Variants in YES1 observed in about 807,000 individuals in gnomAD.
The protein encoded by YES1 is tyrosine-protein kinase Yes.
In YES1, 39 loss-of-function variants were observed where a neutral mutation model predicts 70.4. The observed-to-expected ratio is 0.55, with a 90% CI of 0.43 to 0.72. The LOEUF is 0.72. Ranked by LOEUF, YES1 falls within the 30% of genes least tolerant of loss-of-function variation. The pLI is 0.00. For synonymous variants in YES1, 198 were observed against 218.6 expected (o/e 0.91, Z 0.83); for missense variants, 495 against 644.8 (o/e 0.77, Z 2.52).
At chr18:743,751 CAA>C (rs959557172) in intron 6 of YES1, among the ~76,000 whole-genome samples, 2 of 151,550 alleles carry the variant, frequency 1.3e-5, no homozygotes, top group African/African-American at 4.8e-5. Flanking sequence ...ACTAAAAATA[CAA>C]AAGTTAGCCG....
At chr18:749,420 C>T (rs941727752) in intron 3 of YES1, among the ~76,000 whole-genome samples, 1 of 152,062 alleles carries the variant, frequency 6.6e-6, no homozygotes, top group African/African-American at 2.4e-5. Context: ...ATCGCTTGAA[C>T]CTGGGAGGCA....
chr18:775,672 C>G (rs150148342), intron 1 of YES1, among the ~76,000 whole-genome samples: 1 of 152,222 alleles, frequency 6.6e-6, no homozygotes, highest in East Asian at 1.9e-4. Flanking sequence ...TGGCATACCC[C>G]TGTAGTCCCA....
chr18:807,998 TG>T (rs1023372876), intron 1 of YES1, among the ~76,000 whole-genome samples: 1 of 152,078 alleles, frequency 6.6e-6, no homozygotes, highest in Non-Finnish European at 1.5e-5. Context: ...ACCCTAGATT[TG>T]GGGGGGAAAA....
chr18:769,150 T>C (rs1905044311), intron 1 of YES1, among the ~76,000 whole-genome samples: 1 of 152,220 alleles, frequency 6.6e-6, no homozygotes, highest in Non-Finnish European at 1.5e-5. Flanking sequence ...CTGTACCATC[T>C]AGGTTTATGT....
intron 11 of YES1, among the ~76,000 whole-genome samples, chr18:727,371 T>C (rs1037271765): frequency 3.3e-5 from 5 of 152,208 alleles, no homozygotes; most frequent in African/African-American, 1.2e-4. Flanking sequence ...ATCTTATAAA[T>C]ACCATTATAG....
At chr18:802,845 G>C (rs2038738516) in intron 1 of YES1, among the ~76,000 whole-genome samples, 1 of 152,086 alleles carries the variant, frequency 6.6e-6, no homozygotes, top group South Asian at 2.1e-4. Context: ...CACTTCGGGA[G>C]GTTGAGGCAA....
rs1179812495 is a variant in YES1 at position 723,050 on chromosome 18, C to CCACCG, written c.*1373_*1374insCGGTG. 1.3e-5 allele frequency: 2 copies of CCACCG among 152,158 alleles called. No homozygotes were observed. The highest frequency in any genetic ancestry group is 2.9e-5 in the Non-Finnish European group (2 of 68,040). 9.4% of individuals were successfully genotyped at this position (152,158 alleles called of 1,614,324 possible). ...GAGCTTGCAGTGAGCCGAGATCGCG[C>CCACCG]CACTGCACTCCAGCCTGGGCGACAG... On this transcript the variant is annotated 3_prime_UTR_variant, in exon 12 of 12. Coordinates refer to ENST00000314574, the MANE Select transcript of YES1 (RefSeq NM_005433.4).
chr18:789,748 TAGG>T (rs1906144771), intron 1 of YES1, among the ~76,000 whole-genome samples: 1 of 151,010 alleles, frequency 6.6e-6, no homozygotes, highest in Non-Finnish European at 1.5e-5. Flanking sequence ...CAAACAAAAT[TAGG>T]AGAATTTACA....
intron 8 of YES1, among the ~76,000 whole-genome samples, chr18:742,641 ACTTT>A (rs1475151512): frequency 6.6e-6 from 1 of 152,196 alleles, no homozygotes; most frequent in African/African-American, 2.4e-5. Context: ...GTGTACAAAC[ACTTT>A]CTATTTTTCA....
At position 743,052 on chromosome 18, in the gene YES1, G is replaced by A. The variant is rs771109224; in HGVS notation, c.926C>T (p.Pro309Leu). The A allele has an allele frequency of 1.2e-5, 19 of 1,606,730 alleles. No individual in the cohort carries two copies. The highest frequency in any genetic ancestry group is 1.6e-5 in the Non-Finnish European group (19 of 1,178,432). Residue 309 changes from proline (P) to leucine (L), a missense_variant, in exon 8 of 12, where the codon CCA (proline) becomes CTA (leucine). By Grantham distance (98) the Pro-to-Leu change is moderately conservative. Transcript: ENST00000314574. ...GAAAGCTTCTGGCATCATTGTACCT[G>A]GTTTTAGTGTTTTGATTGCTACTTT... is the stretch of plus-strand genomic sequence containing the variant. ...TTKVAIKTLKPGTMMPEAFLQ... is the reference protein window; with the variant it reads ...TTKVAIKTLKLGTMMPEAFLQ...
chr18:770,108 C>T (rs372374459), intron 1 of YES1, among the ~76,000 whole-genome samples: 196 of 151,908 alleles, frequency 1.3e-3, no homozygotes, highest in African/African-American at 3.5e-3. Flanking sequence ...TACAGGCACG[C>T]GCCACCACAC....
At chr18:726,335 G>A (rs961487000) in intron 11 of YES1, among the ~76,000 whole-genome samples, 3 of 151,988 alleles carry the variant, frequency 2.0e-5, no homozygotes, top group Non-Finnish European at 4.4e-5. Flanking sequence ...TGAGGCAGGA[G>A]AATCGCTTGA....
Position 805,671 on chromosome 18 carries a change from C to T in YES1, c.-9+6443G>A, listed in dbSNP as rs374823505. Among the ~76,000 whole-genome samples, 18 of 152,238 alleles carry T rather than the reference C, an allele frequency of 1.2e-4. 1 individual carries two copies. The highest frequency in any genetic ancestry group is 4.3e-4 in the African/African-American group (18 of 41,542). ...CCTTCCAGTCCTTTCCTTATAACAC[C>T]ATATTGCCTTCTCTGCTCCTTCCAA... On this transcript the variant is annotated intron_variant, in intron 1 of 11. Transcript: ENST00000314574.
At chr18:749,553 T>C (rs2080319430) in intron 3 of YES1, among the ~76,000 whole-genome samples, 1 of 148,876 alleles carries the variant, frequency 6.7e-6, no homozygotes, top group African/African-American at 2.5e-5. Context: ...TAATGCATAC[T>C]TATAAAAATG....
chr18:747,294 C>T lies in YES1; in HGVS notation c.470+626G>A, dbSNP rs189907712. On this transcript the variant is annotated intron_variant, in intron 4 of 11. Transcript: ENST00000314574. ...AGACCAGCCTGGCCAATAGGCGAAA[C>T]CCCGTCTCTACTAAAAATACAAAAA... 5.7e-3 allele frequency among the ~76,000 whole-genome samples: 875 copies of T among 152,240 alleles called. 7 individuals carry two copies. Among genetic ancestry groups the T allele is most frequent in the African/African-American group, 0.02 (835 of 41,538 alleles).
rs2079991545 is a variant in YES1 at position 724,247 on chromosome 18, A to C, written c.*177T>G. On this transcript the variant is annotated 3_prime_UTR_variant, in exon 12 of 12. Coordinates refer to ENST00000314574, the MANE Select transcript of YES1 (RefSeq NM_005433.4). Reference sequence around the variant, plus strand: ...ACGCTGATAAATTCATCATTGGTACATTAGAGTTTAATACTTGGGGAAAAA... The same window carrying C: ...ACGCTGATAAATTCATCATTGGTACCTTAGAGTTTAATACTTGGGGAAAAA... The C allele has an allele frequency of 1.6e-6, 1 of 614,458 alleles. No individual in the cohort carries two copies. Among genetic ancestry groups the C allele is most frequent in the Admixed American group, 3.0e-5 (1 of 33,870 alleles). 38.1% of individuals were successfully genotyped at this position (614,458 alleles called of 1,614,324 possible).
At chr18:769,658 T>C (rs559332955) in intron 1 of YES1, among the ~76,000 whole-genome samples, 2 of 152,290 alleles carry the variant, frequency 1.3e-5, no homozygotes, top group East Asian at 3.9e-4. Flanking sequence ...CTTTTCTACA[T>C]GTACTTAGAT....
intron 6 of YES1, among the ~76,000 whole-genome samples, chr18:745,309 G>A (rs2080266274): frequency 6.6e-6 from 1 of 152,134 alleles, no homozygotes; most frequent in African/African-American, 2.4e-5. Context: ...TTATACTTTA[G>A]GAAAGCTTAT....
At chr18:747,809 G>T in intron 4 of YES1, 111 bp downstream of exon 4, 1 of 888,484 alleles carries the variant, frequency 1.1e-6, no homozygotes, top group Non-Finnish European at 1.8e-6. Flanking sequence ...TACATAAGCT[G>T]TATTAAGACT....
Sources: allele counts gnomAD v4.1 joint callset (sites outside exome capture counted in the v4.1 genomes callset), GRCh38; gene constraint gnomAD v4.1.1; transcripts MANE v1.5; gene names NCBI Gene and HGNC (gene_info 2026-07-23, HGNC 2026-07-21).